Variants in SMARCC1 observed in about 807,000 individuals in gnomAD.
SMARCC1 encodes SWI/SNF complex subunit SMARCC1.
In SMARCC1, 43 loss-of-function variants were observed where a neutral mutation model predicts 147.4. The ratio of observed to expected loss-of-function variants is 0.29; its 90% CI spans 0.23 to 0.38. SMARCC1 has a LOEUF of 0.38. Among genes scored for constraint, SMARCC1 ranks in the 10% least tolerant of loss-of-function variants. The pLI is 1.00. For missense variants in SMARCC1, 1,119 were observed against 1,381.1 expected (o/e 0.81, Z 3.01); for synonymous variants, 495 against 484.4 (o/e 1.02, Z -0.29).
chr3:47,735,965 A>G, intron 5 of SMARCC1, 69 bp downstream of exon 5: 1 of 674,772 alleles, frequency 1.5e-6, no homozygotes. Flanking sequence ...GTTGTCATTT[A>G]TTAGAGGCTT....
chr3:47,585,684 T>C lies in SMARCC1; in HGVS notation c.*2525A>G, dbSNP rs1559619087. The C allele has an allele frequency of 6.6e-6, 1 of 152,218 alleles. No homozygotes were observed. The highest frequency in any genetic ancestry group is 1.5e-5 in the Non-Finnish European group (1 of 68,042). 9.4% of individuals were successfully genotyped at this position (152,218 alleles called of 1,614,324 possible). A position where few individuals can be genotyped will look rare whatever the true frequency, so the allele number is the denominator to read the frequency against. On this transcript the variant is annotated 3_prime_UTR_variant, in exon 28 of 28. Coordinates refer to ENST00000254480, the MANE Select transcript of SMARCC1 (RefSeq NM_003074.4). ...TCATTTTTGGAGAACTTCCACTCAT[T>C]TTCACTTTGACCATGCAAATGAACA...
intron 18 of SMARCC1, among the ~76,000 whole-genome samples, chr3:47,671,942 GAAGA>G (rs1271374768): frequency 2.0e-5 from 3 of 151,930 alleles, no homozygotes; most frequent in African/African-American, 7.3e-5. Flanking sequence ...CTGTATGAAG[GAAGA>G]AAGAAAAAAC....
At chr3:47,692,416 C>CCACAGATTTTTGTT (rs2033801226) in intron 12 of SMARCC1, among the ~76,000 whole-genome samples, 1 of 152,178 alleles carries the variant, frequency 6.6e-6, no homozygotes, top group African/African-American at 2.4e-5. Flanking sequence ...TATTAACACT[C>CCACAGATTTTTGTT]CACAGATTTT....
chr3:47,694,888 G>A (rs932251272), intron 11 of SMARCC1, among the ~76,000 whole-genome samples: 3 of 152,036 alleles, frequency 2.0e-5, no homozygotes, highest in Non-Finnish European at 4.4e-5. Context: ...AGTCTAAGGG[G>A]TTCAGATTCT....
chr3:47,705,334 A>G (rs2033978710), intron 10 of SMARCC1, among the ~76,000 whole-genome samples: 1 of 151,478 alleles, frequency 6.6e-6, no homozygotes, highest in Non-Finnish European at 1.5e-5. Context: ...AAAAAAAAAA[A>G]AAAAAAAAAC....
At chr3:47,675,770 A>AC (rs1484729934) in intron 17 of SMARCC1, among the ~76,000 whole-genome samples, 182 bp from the exon 18 acceptor site, 1 of 151,868 alleles carries the variant, frequency 6.6e-6, no homozygotes, top group Non-Finnish European at 1.5e-5. Flanking sequence ...ACGTGGTGAA[A>AC]CCCGTCTCTA....
At chr3:47,709,265 G>GA (rs577960472) in intron 9 of SMARCC1, among the ~76,000 whole-genome samples, 81 of 145,242 alleles carry the variant, frequency 5.6e-4, no homozygotes, top group Non-Finnish European at 1.0e-3. Flanking sequence ...CTTGTCAAGG[G>GA]AAAAAAAAAA....
At chr3:47,662,801 G>T (rs575668404) in intron 19 of SMARCC1, among the ~76,000 whole-genome samples, 1 of 151,872 alleles carries the variant, frequency 6.6e-6, no homozygotes, top group East Asian at 2.0e-4. Flanking sequence ...GTCCAGGCAC[G>T]GTGGCTCACG....
At chr3:47,711,999 G>A (rs896062209) in intron 8 of SMARCC1, among the ~76,000 whole-genome samples, 1 of 152,212 alleles carries the variant, frequency 6.6e-6, no homozygotes, top group African/African-American at 2.4e-5. Flanking sequence ...TTGGGAGGCT[G>A]AGGCGGGCAG....
At chr3:47,665,408 G>A (rs1214562298) in intron 19 of SMARCC1, among the ~76,000 whole-genome samples, 1 of 152,120 alleles carries the variant, frequency 6.6e-6, no homozygotes, top group Non-Finnish European at 1.5e-5. Flanking sequence ...GCTGTATTAT[G>A]TTTCTAATTA....
At chr3:47,669,880 C>T (rs1206484051) in intron 19 of SMARCC1, among the ~76,000 whole-genome samples, 1 of 152,156 alleles carries the variant, frequency 6.6e-6, no homozygotes, top group Non-Finnish European at 1.5e-5. Context: ...TCTGGGAACC[C>T]AGAGGGCACC....
At chr3:47,596,648 G>C (rs1052566322) in intron 26 of SMARCC1, among the ~76,000 whole-genome samples, 1 of 151,766 alleles carries the variant, frequency 6.6e-6, no homozygotes, top group Non-Finnish European at 1.5e-5. Flanking sequence ...GGCTGGACTA[G>C]ACCTCCTGGG....
intron 14 of SMARCC1, among the ~76,000 whole-genome samples, chr3:47,683,936 C>T: frequency 6.6e-6 from 1 of 151,550 alleles, no homozygotes. Context: ...TAAATAGTCA[C>T]ATCTCATAAG....
intron 21 of SMARCC1, among the ~76,000 whole-genome samples, chr3:47,651,323 T>C (rs1194437409): frequency 1.3e-5 from 2 of 152,326 alleles, no homozygotes; most frequent in East Asian, 3.9e-4. Flanking sequence ...TGTCAGACTC[T>C]GACACTCTTT....
rs2032543534 is a variant in SMARCC1, at chr3:47,610,201, C to T, written c.2908G>A (p.Ala970Thr). 1 of 1,614,172 alleles carries T rather than the reference C, an allele frequency of 6.2e-7. No individual in the cohort carries two copies. The highest frequency in any genetic ancestry group is 8.5e-7 in the Non-Finnish European group (1 of 1,180,040). ...QQQHGQNPQQAHQHSGGPGLA... is the reference protein window; with the variant it reads ...QQQHGQNPQQTHQHSGGPGLA... ...CCAGGTCCTCCTGAGTGCTGGTGTG[C>T]CTGTTGAGGGTTCTGGCCATGCTGC... Residue 970 changes from alanine to threonine, a missense_variant, in exon 26 of 28, where the codon GCA becomes ACA. By Grantham distance (58) the Ala-to-Thr change is moderately conservative. This residue lies in a region of SMARCC1 where 186 missense variants were observed against 216.5 expected (regional missense o/e 0.86). Transcript: ENST00000254480.
chr3:47,643,395 T>C (rs984260761), intron 21 of SMARCC1, among the ~76,000 whole-genome samples: 1 of 152,148 alleles, frequency 6.6e-6, no homozygotes, highest in African/African-American at 2.4e-5. Context: ...AAACTGCTCA[T>C]TCAATAATAG....
intron 14 of SMARCC1, 37 bp downstream of exon 14, chr3:47,686,012 T>C (rs1282587626): frequency 6.2e-7 from 1 of 1,603,150 alleles, no homozygotes; most frequent in Non-Finnish European, 8.5e-7. Context: ...CTTGTACTGC[T>C]CAGTACCATG....
chr3:47,738,283 A>G (rs1295830286), intron 3 of SMARCC1, among the ~76,000 whole-genome samples, 173 bp from the exon 4 acceptor site: 1 of 152,224 alleles, frequency 6.6e-6, no homozygotes, highest in East Asian at 1.9e-4. Context: ...CAACACCCTT[A>G]TAAAAGAGAT....
At chr3:47,733,525 G>C (rs2034401644) in intron 5 of SMARCC1, among the ~76,000 whole-genome samples, 1 of 152,132 alleles carries the variant, frequency 6.6e-6, no homozygotes, top group African/African-American at 2.4e-5. Context: ...GGCAGATCAT[G>C]AAGTCAGGAA....
Sources: allele counts gnomAD v4.1 joint callset (sites outside exome capture counted in the v4.1 genomes callset), GRCh38; gene constraint gnomAD v4.1.1; regional missense constraint gnomAD v4.1.1; transcripts MANE v1.5; gene names NCBI Gene and HGNC (gene_info 2026-07-23, HGNC 2026-07-21).